CAMKMT: variants seen among roughly 807,000 people sequenced by gnomAD.
CAMKMT encodes the protein CaM KMT.
CAMKMT carries 53 observed loss-of-function variants against 48.0 expected under a neutral mutation model. The observed-to-expected ratio is 1.10, with a 90% CI of 0.89 to 1.39. CAMKMT has a LOEUF of 1.39. CAMKMT is among the 40% of genes most tolerant of loss of function. CAMKMT has a pLI of 0.00. For missense variants in CAMKMT, 428 were observed against 402.7 expected, an observed-to-expected ratio of 1.06 and a Z score of -0.54; for synonymous variants, 165 against 152.3, an observed-to-expected ratio of 1.08 and a Z score of -0.61.
intron 3 of CAMKMT, among the ~76,000 whole-genome samples, chr2:44,640,219 G>A (rs1401178018): frequency 6.6e-6 from 1 of 152,150 alleles, no homozygotes; most frequent in Non-Finnish European, 1.5e-5. Flanking sequence ...TTAAATAGAG[G>A]CATCATTAGA....
intron 7 of CAMKMT, among the ~76,000 whole-genome samples, chr2:44,719,077 A>C (rs1232298581): frequency 6.6e-6 from 1 of 152,172 alleles, no homozygotes; most frequent in East Asian, 1.9e-4. Context: ...GGCCTTCTGC[A>C]GTCTGCCCTT....
Position 44,546,626 on chromosome 2 carries a change from T to C in CAMKMT, c.376+156321T>C, listed in dbSNP as rs1023108463. Among the ~76,000 whole-genome samples, 5 of 152,218 alleles carry C rather than the reference T, an allele frequency of 3.3e-5. No homozygotes were observed. In the East Asian group the frequency reaches 9.6e-4, roughly 29 times the overall value. ...TTCAGTAAGTGAGCTGGGGAGTCAT[T>C]TCACTGCTGCAAAAGGCTGCGTTGC... On this transcript the variant is annotated intron_variant, in intron 3 of 10. Transcript: ENST00000378494.
chr2:44,485,360 C>A (rs1669163574), intron 3 of CAMKMT, among the ~76,000 whole-genome samples: 2 of 152,170 alleles, frequency 1.3e-5, no homozygotes, highest in South Asian at 4.2e-4. Context: ...ATTTTTAAAG[C>A]AAAGAAAATG....
intron 3 of CAMKMT, among the ~76,000 whole-genome samples, chr2:44,646,024 A>G (rs1487139148): frequency 6.6e-6 from 1 of 152,222 alleles, no homozygotes. Context: ...ATGTGTTCCC[A>G]TTGCATGTTT....
At chr2:44,546,451 A>G (rs970306825) in intron 3 of CAMKMT, among the ~76,000 whole-genome samples, 2 of 152,162 alleles carry the variant, frequency 1.3e-5, no homozygotes, top group African/African-American at 4.8e-5. Context: ...GTTTTATGGA[A>G]TCGATAAATC....
chr2:44,671,126 G>T (rs1194952420), intron 3 of CAMKMT, among the ~76,000 whole-genome samples: 1 of 152,188 alleles, frequency 6.6e-6, no homozygotes, highest in African/African-American at 2.4e-5. Context: ...TCCTTTAGGA[G>T]TATAAGTGTG....
At chr2:44,738,760 T>C (rs1014874615) in intron 7 of CAMKMT, among the ~76,000 whole-genome samples, 8 of 151,924 alleles carry the variant, frequency 5.3e-5, no homozygotes, top group African/African-American at 1.9e-4. Context: ...TACAGAAAAA[T>C]AAAGAGCAAG....
chr2:44,576,844 C>T (rs1459164287), intron 3 of CAMKMT, among the ~76,000 whole-genome samples: 1 of 152,146 alleles, frequency 6.6e-6, no homozygotes, highest in African/African-American at 2.4e-5. Context: ...AATTAAATAG[C>T]CCCATGGCTT....
At chr2:44,401,991 A>G (rs970657979) in intron 3 of CAMKMT, among the ~76,000 whole-genome samples, 1 of 152,110 alleles carries the variant, frequency 6.6e-6, no homozygotes, top group African/African-American at 2.4e-5. Context: ...AAGTAAGGGG[A>G]AGTAATTTTT....
chr2:44,684,126 C>T (rs1210723842), intron 3 of CAMKMT, among the ~76,000 whole-genome samples: 1 of 152,106 alleles, frequency 6.6e-6, no homozygotes, highest in East Asian at 1.9e-4. Context: ...TGATGGAGTT[C>T]ACAATAACAT....
intron 3 of CAMKMT, among the ~76,000 whole-genome samples, chr2:44,685,282 G>T (rs964916029): frequency 3.9e-5 from 6 of 152,132 alleles, no homozygotes; most frequent in Admixed American, 3.9e-4. Context: ...TAAAACAGAC[G>T]TGAGGATGAA....
intron 3 of CAMKMT, among the ~76,000 whole-genome samples, chr2:44,449,455 AT>A (rs1016038122): frequency 2.0e-5 from 3 of 152,044 alleles, no homozygotes; most frequent in African/African-American, 7.2e-5. Context: ...CAATTATCCA[AT>A]TTCTGCTGTC....
intron 3 of CAMKMT, among the ~76,000 whole-genome samples, chr2:44,673,456 A>G (rs1316467219): frequency 1.4e-5 from 2 of 138,490 alleles, no homozygotes; most frequent in Non-Finnish European, 3.1e-5. Flanking sequence ...AGAGAGAAAG[A>G]GAAAGAAAGA....
chr2:44,739,445 C>T (rs867874722), intron 7 of CAMKMT, among the ~76,000 whole-genome samples: 9 of 151,942 alleles, frequency 5.9e-5, no homozygotes, highest in Admixed American at 6.6e-5. Context: ...TTACCAATAA[C>T]GAGATTTAAA....
intron 3 of CAMKMT, among the ~76,000 whole-genome samples, chr2:44,602,635 C>T (rs1215071680): frequency 6.6e-6 from 1 of 152,006 alleles, no homozygotes; most frequent in Non-Finnish European, 1.5e-5. Context: ...AGGAAACTTA[C>T]AATCATGGCG....
At chr2:44,581,479 A>C (rs1558719307) in intron 3 of CAMKMT, among the ~76,000 whole-genome samples, 1 of 152,242 alleles carries the variant, frequency 6.6e-6, no homozygotes, top group Non-Finnish European at 1.5e-5. Context: ...ACCATTAAAT[A>C]TGTGTATACT....
At chr2:44,622,481 C>A (rs1394718952) in intron 3 of CAMKMT, among the ~76,000 whole-genome samples, 1 of 152,162 alleles carries the variant, frequency 6.6e-6, no homozygotes, top group East Asian at 1.9e-4. Flanking sequence ...AGTTTTTCAA[C>A]CCCTGTCATC....
At chr2:44,550,278 G>A (rs1667636339) in intron 3 of CAMKMT, among the ~76,000 whole-genome samples, 1 of 151,830 alleles carries the variant, frequency 6.6e-6, no homozygotes, top group East Asian at 1.9e-4. Flanking sequence ...ACACATGACT[G>A]TAGTCCCAGC....
At chr2:44,615,502 T>G (rs1671837914) in intron 3 of CAMKMT, among the ~76,000 whole-genome samples, 1 of 152,072 alleles carries the variant, frequency 6.6e-6, no homozygotes, top group Non-Finnish European at 1.5e-5. Context: ...CAAAGGAGAA[T>G]GGAGACGCAA....
Sources: allele counts gnomAD v4.1 joint callset (sites outside exome capture counted in the v4.1 genomes callset), GRCh38; gene constraint gnomAD v4.1.1; transcripts MANE v1.5; gene names NCBI Gene and HGNC (gene_info 2026-07-23, HGNC 2026-07-21).